MDGA2: variants seen among roughly 807,000 people sequenced by gnomAD.
MDGA2 encodes MAM domain containing glycosylphosphatidylinositol anchor 2.
In MDGA2, 40 loss-of-function variants were observed where a neutral mutation model predicts 117.8. That is an observed-to-expected ratio of 0.34 (90% CI 0.26 to 0.44). The LOEUF is 0.44. MDGA2 is among the 20% of genes least tolerant of loss of function. MDGA2 has a pLI of 1.00. For synonymous variants in MDGA2, 452 were observed against 439.0 expected, an observed-to-expected ratio of 1.03 and a Z score of -0.37; for missense variants, 1,123 against 1,250.6, an observed-to-expected ratio of 0.90 and a Z score of 1.54.
At chr14:47,422,709 A>T (rs1249104248) in intron 1 of MDGA2, among the ~76,000 whole-genome samples, 1 of 152,182 alleles carries the variant, frequency 6.6e-6, no homozygotes, top group Non-Finnish European at 1.5e-5. Flanking sequence ...GTGCAAAAAT[A>T]AAGTTAAAAA....
chr14:47,110,919 C>T (rs922798499), intron 5 of MDGA2, among the ~76,000 whole-genome samples: 9 of 152,090 alleles, frequency 5.9e-5, no homozygotes, highest in Admixed American at 5.9e-4. Context: ...CAAATAAACT[C>T]ATTGTAAATT....
intron 1 of MDGA2, among the ~76,000 whole-genome samples, chr14:47,608,502 G>A (rs1896781679): frequency 6.6e-6 from 1 of 152,112 alleles, no homozygotes; most frequent in African/African-American, 2.4e-5. Flanking sequence ...TAAAAAGGCT[G>A]TGAAATGGGT....
At chr14:46,955,084 T>C (rs556578717) in intron 9 of MDGA2, among the ~76,000 whole-genome samples, 105 of 152,202 alleles carry the variant, frequency 6.9e-4, no homozygotes, top group Non-Finnish European at 1.4e-3. Context: ...TATATGTTTT[T>C]CCAGAGTTAA....
rs1357813559 is a variant in MDGA2 at position 46,841,773 on chromosome 14, T to C, written c.*158A>G. ...GTTATACTTCCATGATGTCTTTTTA[T>C]CCCCAGTGCTTAAAAAAATTTGTTT... On this transcript the variant is annotated 3_prime_UTR_variant, in exon 17 of 17. Transcript: ENST00000399232. 4.0e-6 allele frequency: 2 copies of C among 503,720 alleles called. No homozygotes were observed. Among genetic ancestry groups the C allele is most frequent in the East Asian group, 6.2e-5 (2 of 32,176 alleles). 31.2% of individuals were successfully genotyped at this position (503,720 alleles called of 1,614,324 possible).
Position 46,869,125 on chromosome 14 carries a change from G to T in MDGA2, c.2752+4308C>A, listed in dbSNP as rs139931393. 2.2e-3 allele frequency among the ~76,000 whole-genome samples: 340 copies of T among 151,824 alleles called. 1 individual carries two copies. The highest frequency in any genetic ancestry group is 7.8e-3 in the African/African-American group (324 of 41,438). On this transcript the variant is annotated intron_variant, in intron 14 of 16. Coordinates refer to ENST00000399232, the MANE Select transcript of MDGA2 (RefSeq NM_001113498.3). ...TACAGTCTCCTGCTTCTTCATTAAT[G>T]AACTCCTTTGCTTTCCCCCTGTTTA...
intron 1 of MDGA2, among the ~76,000 whole-genome samples, chr14:47,549,645 A>G (rs1895542360): frequency 6.6e-6 from 1 of 152,120 alleles, no homozygotes; most frequent in Non-Finnish European, 1.5e-5. Flanking sequence ...CTGTATTTGG[A>G]GATATGGCCT....
intron 2 of MDGA2, among the ~76,000 whole-genome samples, chr14:47,290,212 C>T (rs546364439): frequency 1.3e-4 from 20 of 152,076 alleles, no homozygotes; most frequent in African/African-American, 2.4e-4. Flanking sequence ...TATTAGTAGA[C>T]GGGGCCTATG....
chr14:47,071,819 C>A (rs1187055611), intron 6 of MDGA2, among the ~76,000 whole-genome samples: 1 of 152,090 alleles, frequency 6.6e-6, no homozygotes, highest in Non-Finnish European at 1.5e-5. Flanking sequence ...GTATTTTCTG[C>A]ACCTGCATAA....
At chr14:46,961,543 T>C (rs1885808252) in intron 8 of MDGA2, among the ~76,000 whole-genome samples, 1 of 152,208 alleles carries the variant, frequency 6.6e-6, no homozygotes, top group South Asian at 2.1e-4. Context: ...AGTTATTTTG[T>C]ATACCTGCAC....
At chr14:47,123,421 T>C (rs866323836) in intron 5 of MDGA2, among the ~76,000 whole-genome samples, 1 of 152,028 alleles carries the variant, frequency 6.6e-6, no homozygotes, top group Admixed American at 6.6e-5. Context: ...TGTTCAAGAT[T>C]TGCTGTCTTA....
At chr14:47,463,575 G>A (rs1397984822) in intron 1 of MDGA2, among the ~76,000 whole-genome samples, 2 of 152,142 alleles carry the variant, frequency 1.3e-5, no homozygotes, top group Admixed American at 1.3e-4. Context: ...CACATAGGAA[G>A]TAGTGACTGA....
chr14:47,053,571 A>G (rs1420894559), intron 7 of MDGA2, among the ~76,000 whole-genome samples: 2 of 145,768 alleles, frequency 1.4e-5, no homozygotes, highest in East Asian at 2.0e-4. Flanking sequence ...GCTTTCAACT[A>G]TGAGTAGCAA....
At chr14:47,549,343 A>ATCTCTCTCTCTCTCTCTC (rs3039661) in intron 1 of MDGA2, among the ~76,000 whole-genome samples, 6,522 of 139,956 alleles carry the variant, frequency 0.047, 221 homozygotes, top group East Asian at 0.095. Context: ...CACCAGTATT[A>ATCTCTCTCTCTCTCTCTC]TCTCTCTCTC....
At chr14:47,045,002 G>A (rs759758825) in intron 7 of MDGA2, among the ~76,000 whole-genome samples, 1 of 152,142 alleles carries the variant, frequency 6.6e-6, no homozygotes, top group Non-Finnish European at 1.5e-5. Context: ...AACAGGTTTG[G>A]CAGGCAACAG....
chr14:47,601,338 G>A (rs1301146595), intron 1 of MDGA2, among the ~76,000 whole-genome samples: 2 of 152,138 alleles, frequency 1.3e-5, no homozygotes, highest in Non-Finnish European at 2.9e-5. Context: ...AGGCCATGAA[G>A]TGAATACTTT....
At chr14:47,378,973 T>C (rs1176422229) in intron 1 of MDGA2, among the ~76,000 whole-genome samples, 1 of 152,088 alleles carries the variant, frequency 6.6e-6, no homozygotes, top group South Asian at 2.1e-4. Flanking sequence ...GAGAGAAAGG[T>C]CGGTTACCCA....
intron 3 of MDGA2, among the ~76,000 whole-genome samples, chr14:47,168,416 G>A (rs1250904063): frequency 6.6e-6 from 1 of 150,398 alleles, no homozygotes; most frequent in Non-Finnish European, 1.5e-5. Context: ...ACCATAATTT[G>A]AGTAAAATGC....
chr14:47,165,303 C>G (rs1352707555), intron 3 of MDGA2, among the ~76,000 whole-genome samples: 1 of 152,110 alleles, frequency 6.6e-6, no homozygotes, highest in Non-Finnish European at 1.5e-5. Flanking sequence ...ATATCCAGTT[C>G]AATAACTTTG....
intron 1 of MDGA2, among the ~76,000 whole-genome samples, chr14:47,372,663 A>G (rs762681546): frequency 1.2e-4 from 18 of 152,112 alleles, no homozygotes; most frequent in Non-Finnish European, 1.8e-4. Flanking sequence ...AGCAATATAT[A>G]GTAAATTTAA....
Sources: gnomAD v4.1 joint callset for allele counts (sites outside exome capture counted in the v4.1 genomes callset) on GRCh38, gnomAD v4.1.1 for gene constraint, MANE v1.5 for transcripts, NCBI Gene and HGNC (gene_info 2026-07-23, HGNC 2026-07-21) for gene names.